ROBO2: variants seen among roughly 807,000 people sequenced by gnomAD.
The protein encoded by ROBO2 is roundabout guidance receptor 2.
Under a neutral mutation model 160.8 loss-of-function variants are expected in ROBO2, and 53 were observed. The observed-to-expected ratio is 0.33, with a 90% CI of 0.26 to 0.41. The LOEUF (loss-of-function observed/expected upper bound fraction) is 0.41. Ranked by LOEUF, ROBO2 falls within the 10% of genes least tolerant of loss-of-function variation. The probability of loss-of-function intolerance (pLI) is 1.00; values close to 1 mark genes in which losing one functional copy is unlikely to be tolerated. For missense variants in ROBO2, 1,577 were observed against 1,722.4 expected (o/e 0.92, Z 1.49); for synonymous variants, 664 against 611.7 (o/e 1.09, Z -1.26).
At chr3:76,021,883 C>T (rs1347432774) in intron 2 of ROBO2, among the ~76,000 whole-genome samples, 6 of 151,332 alleles carry the variant, frequency 4.0e-5, no homozygotes, top group Non-Finnish European at 7.4e-5. Flanking sequence ...TGAAGTTTGC[C>T]ACATTGGTTG....
chr3:76,788,690 A>G (rs2063154146), intron 2 of ROBO2, among the ~76,000 whole-genome samples: 1 of 151,590 alleles, frequency 6.6e-6, no homozygotes, highest in African/African-American at 2.4e-5. Context: ...ATATCTATAC[A>G]GTAGAAATTT....
At chr3:76,957,896 G>A (rs2079391992) in intron 2 of ROBO2, among the ~76,000 whole-genome samples, 1 of 151,982 alleles carries the variant, frequency 6.6e-6, no homozygotes, top group African/African-American at 2.4e-5. Context: ...AGGATGCTGT[G>A]TTCATGACCA....
intron 2 of ROBO2, among the ~76,000 whole-genome samples, chr3:75,990,970 G>C (rs1171153371): frequency 6.6e-6 from 1 of 152,138 alleles, no homozygotes; most frequent in Non-Finnish European, 1.5e-5. Flanking sequence ...TAGACTAAGT[G>C]TGAATTTGCT....
chr3:75,912,799 A>G (rs757075445), intron 1 of ROBO2, among the ~76,000 whole-genome samples: 26 of 152,202 alleles, frequency 1.7e-4, no homozygotes, highest in Non-Finnish European at 3.4e-4. Flanking sequence ...AGCAAGTAAC[A>G]TATAATACAG....
intron 2 of ROBO2, among the ~76,000 whole-genome samples, chr3:77,333,440 C>A (rs1258848738): frequency 6.6e-6 from 1 of 152,086 alleles, no homozygotes; most frequent in African/African-American, 2.4e-5. Context: ...AGTATAGAAG[C>A]TTTTAAGTGA....
At chr3:76,599,442 T>G (rs1033590988) in intron 2 of ROBO2, among the ~76,000 whole-genome samples, 24 of 152,208 alleles carry the variant, frequency 1.6e-4, no homozygotes, top group African/African-American at 5.8e-4. Flanking sequence ...CCATAGTGTA[T>G]ACATACCACA....
intron 2 of ROBO2, among the ~76,000 whole-genome samples, chr3:76,696,431 C>T (rs62264367): frequency 1.3e-5 from 2 of 151,414 alleles, no homozygotes; most frequent in Non-Finnish European, 2.9e-5. Flanking sequence ...ACAGAGCTCC[C>T]ATACGAAGGG....
intron 2 of ROBO2, among the ~76,000 whole-genome samples, chr3:76,215,472 G>A (rs527241762): frequency 5.3e-5 from 8 of 152,318 alleles, no homozygotes; most frequent in Admixed American, 3.3e-4. Flanking sequence ...TAAAGGACCT[G>A]ATGGAGCTAA....
chr3:76,225,068 T>C (rs1042406379), intron 2 of ROBO2, among the ~76,000 whole-genome samples: 1 of 152,170 alleles, frequency 6.6e-6, no homozygotes, highest in Non-Finnish European at 1.5e-5. Flanking sequence ...TATATAAATA[T>C]GGTAACTAGT....
intron 2 of ROBO2, among the ~76,000 whole-genome samples, chr3:77,279,070 T>G (rs973111492): frequency 2.0e-5 from 3 of 152,080 alleles, no homozygotes; most frequent in African/African-American, 7.2e-5. Flanking sequence ...TTAGTGATGG[T>G]CTGGATTATT....
chr3:77,377,325 C>T (rs1057204046), intron 2 of ROBO2, among the ~76,000 whole-genome samples: 1 of 152,066 alleles, frequency 6.6e-6, no homozygotes, highest in African/African-American at 2.4e-5. Context: ...TTGGTTATTC[C>T]TCCTAAAATA....
intron 2 of ROBO2, among the ~76,000 whole-genome samples, chr3:76,882,998 C>T (rs1162389544): frequency 6.6e-6 from 1 of 152,086 alleles, no homozygotes; most frequent in Non-Finnish European, 1.5e-5. Context: ...GGATATTAAC[C>T]TGGAATTCTG....
chr3:76,184,355 A>C (rs1486613888), intron 2 of ROBO2, among the ~76,000 whole-genome samples: 1 of 152,114 alleles, frequency 6.6e-6, no homozygotes, highest in Non-Finnish European at 1.5e-5. Context: ...GAGAAGACAG[A>C]AGTATGCAAT....
chr3:76,804,809 C>T (rs769588836), intron 2 of ROBO2, among the ~76,000 whole-genome samples: 1 of 152,076 alleles, frequency 6.6e-6, no homozygotes, highest in South Asian at 2.1e-4. Flanking sequence ...CACTTAACCC[C>T]GCCAGATTAG....
chr3:76,706,762 T>C (rs903840079), intron 2 of ROBO2, among the ~76,000 whole-genome samples: 3 of 152,104 alleles, frequency 2.0e-5, no homozygotes, highest in African/African-American at 7.2e-5. Context: ...TATTCTTTAA[T>C]GATTTAGTTA....
chr3:77,178,169 C>A (rs185827224), intron 2 of ROBO2, among the ~76,000 whole-genome samples: 1 of 151,886 alleles, frequency 6.6e-6, no homozygotes, highest in African/African-American at 2.4e-5. Flanking sequence ...GAGGTATGGG[C>A]GCGCTACAAG....
At chr3:77,024,988 A>T (rs571257018) in intron 2 of ROBO2, among the ~76,000 whole-genome samples, 83 of 145,674 alleles carry the variant, frequency 5.7e-4, no homozygotes, top group African/African-American at 1.8e-3. Context: ...TTTTTGTTTT[A>T]AAAAAAAAGG....
At chr3:77,442,057 A>T (rs1004068184) in intron 2 of ROBO2, among the ~76,000 whole-genome samples, 20 of 152,322 alleles carry the variant, frequency 1.3e-4, no homozygotes, top group African/African-American at 4.1e-4. Context: ...TCACGCCTAT[A>T]ATCCCAGCAC....
intron 2 of ROBO2, among the ~76,000 whole-genome samples, chr3:76,509,798 G>A (rs1357168436): frequency 2.0e-5 from 3 of 152,108 alleles, no homozygotes; most frequent in Non-Finnish European, 4.4e-5. Context: ...CCTCACTCAG[G>A]TTGAGCACCT....
Sources: gnomAD v4.1 joint callset for allele counts (sites outside exome capture counted in the v4.1 genomes callset) on GRCh38, gnomAD v4.1.1 for gene constraint, MANE v1.5 for transcripts, NCBI Gene and HGNC (gene_info 2026-07-23, HGNC 2026-07-21) for gene names.